SPATA17: variants seen among roughly 807,000 people sequenced by gnomAD.
SPATA17 encodes the protein spermatogenesis associated 17, also known as spermatogenesis-associated protein 17.
A neutral mutation model predicts 62.2 loss-of-function variants in SPATA17; 53 were observed. The observed-to-expected ratio is 0.85, with a 90% CI of 0.68 to 1.07. The LOEUF (loss-of-function observed/expected upper bound fraction) is 1.07, where lower values mean the gene tolerates loss of function less well. Ranked by LOEUF, SPATA17 falls within the 50% of genes least tolerant of loss-of-function variation. SPATA17 has a pLI of 0.00. For missense variants in SPATA17, 466 were observed against 425.5 expected (o/e 1.10, Z -0.84); for synonymous variants, 146 against 146.8 (o/e 0.99, Z 0.04).
chr1:217,814,370 G>T (rs1402294106), intron 9 of SPATA17, among the ~76,000 whole-genome samples: 1 of 152,126 alleles, frequency 6.6e-6, no homozygotes, highest in East Asian at 1.9e-4. Context: ...TCCGTCGGAG[G>T]TCTGTAAGAT....
chr1:217,680,324 A>G (rs1671049199), intron 4 of SPATA17, among the ~76,000 whole-genome samples: 1 of 152,218 alleles, frequency 6.6e-6, no homozygotes, highest in South Asian at 2.1e-4. Context: ...GAATGATGCT[A>G]TAATGATCAA....
At chr1:217,811,110 T>C (rs915923590) in intron 9 of SPATA17, among the ~76,000 whole-genome samples, 1 of 152,160 alleles carries the variant, frequency 6.6e-6, no homozygotes, top group Non-Finnish European at 1.5e-5. Flanking sequence ...CTCAGCTCAC[T>C]GCAACCTCTG....
intron 10 of SPATA17, among the ~76,000 whole-genome samples, chr1:217,863,119 C>CTTTCT (rs1675931250): frequency 8.9e-6 from 1 of 111,860 alleles, no homozygotes; most frequent in South Asian, 3.0e-4. Flanking sequence ...AATACTCTTT[C>CTTTCT]TTTTTTTTTT....
chr1:217,694,375 C>T (rs1671407339), intron 5 of SPATA17, among the ~76,000 whole-genome samples: 1 of 147,076 alleles, frequency 6.8e-6, no homozygotes, highest in South Asian at 2.2e-4. Flanking sequence ...TTATTTTGAG[C>T]CTATGTATGT....
chr1:217,694,277 G>A (rs1270488944), intron 5 of SPATA17, among the ~76,000 whole-genome samples: 3 of 95,912 alleles, frequency 3.1e-5, no homozygotes, highest in African/African-American at 1.4e-4. Context: ...GATCTTTGTT[G>A]GTTTAAAGTC....
chr1:217,805,676 C>A lies in SPATA17; in HGVS notation c.1005+3826C>A, dbSNP rs141431488. On this transcript the variant is annotated intron_variant, in intron 9 of 10. Transcript: ENST00000366933. ...ATATACAGTTTTTACAAATGGCCAA[C>A]AAGTATATGAGAAGATGCTCTGCAT... 5.4e-3 allele frequency among the ~76,000 whole-genome samples: 822 copies of A among 152,006 alleles called. 4 individuals are homozygous for A. Among genetic ancestry groups the A allele is most frequent in the African/African-American group, 0.018 (759 of 41,460 alleles).
intron 5 of SPATA17, among the ~76,000 whole-genome samples, chr1:217,693,586 G>T (rs200548516): frequency 0.17 from 20,580 of 118,174 alleles, 2,030 homozygotes; most frequent in African/African-American, 0.27. Flanking sequence ...GTGATGTTAC[G>T]GTGTCAATTT....
At chr1:217,778,680 T>C (rs926013530) in intron 7 of SPATA17, among the ~76,000 whole-genome samples, 2 of 152,172 alleles carry the variant, frequency 1.3e-5, no homozygotes, top group Admixed American at 1.3e-4. Flanking sequence ...ATTTCTGAGC[T>C]GGAAACACCA....
intron 5 of SPATA17, among the ~76,000 whole-genome samples, chr1:217,708,319 A>G (rs918574893): frequency 1.3e-5 from 2 of 152,162 alleles, no homozygotes; most frequent in African/African-American, 4.8e-5. Flanking sequence ...TAATAACGAG[A>G]AAAAGAGAGA....
At chr1:217,698,512 T>A (rs1311344769) in intron 5 of SPATA17, among the ~76,000 whole-genome samples, 1 of 151,994 alleles carries the variant, frequency 6.6e-6, no homozygotes, top group African/African-American at 2.4e-5. Flanking sequence ...AGAGGGCCAT[T>A]TTCTTTCCTT....
At chr1:217,718,728 G>A (rs1032965857) in intron 5 of SPATA17, among the ~76,000 whole-genome samples, 1 of 152,108 alleles carries the variant, frequency 6.6e-6, no homozygotes, top group Admixed American at 6.6e-5. Flanking sequence ...AAAACAATCA[G>A]TCAATCTTAT....
intron 9 of SPATA17, among the ~76,000 whole-genome samples, chr1:217,856,725 G>T (rs569867628): frequency 6.6e-6 from 1 of 152,266 alleles, no homozygotes; most frequent in Admixed American, 6.5e-5. Flanking sequence ...CCTGAAAACA[G>T]TGAACAGAAA....
chr1:217,650,451 C>T (rs1305909444), intron 2 of SPATA17, among the ~76,000 whole-genome samples: 3 of 151,954 alleles, frequency 2.0e-5, no homozygotes. Context: ...GAGTCTTGCT[C>T]TGTCACCCAG....
At chr1:217,815,351 A>G (rs779766989) in intron 9 of SPATA17, among the ~76,000 whole-genome samples, 2 of 152,170 alleles carry the variant, frequency 1.3e-5, no homozygotes, top group Non-Finnish European at 2.9e-5. Context: ...CCTTCTGGCT[A>G]TATCTGGAGG....
chr1:217,657,540 C>T (rs994873062), intron 3 of SPATA17, among the ~76,000 whole-genome samples: 1 of 152,210 alleles, frequency 6.6e-6, no homozygotes, highest in Non-Finnish European at 1.5e-5. Context: ...AACCTCTGCA[C>T]TGTCACACAC....
intron 6 of SPATA17, among the ~76,000 whole-genome samples, chr1:217,744,960 T>C (rs540116117): frequency 3.3e-5 from 5 of 152,362 alleles, no homozygotes; most frequent in African/African-American, 1.2e-4. Context: ...ATCATATTAT[T>C]AGAATTTAAC....
At chr1:217,749,827 C>CA (rs1271550283) in intron 6 of SPATA17, among the ~76,000 whole-genome samples, 7 of 150,900 alleles carry the variant, frequency 4.6e-5, no homozygotes, top group Non-Finnish European at 1.0e-4. Context: ...CGTAAGCATT[C>CA]AAAATTCTTT....
intron 6 of SPATA17, among the ~76,000 whole-genome samples, chr1:217,748,743 CAAAA>C (rs34000760): frequency 0.52 from 60,032 of 115,336 alleles, 13,441 homozygotes; most frequent in Non-Finnish European, 0.62. Context: ...GACTCTGACT[CAAAA>C]AAAAAAAAAA....
chr1:217,803,209 G>A (rs571540439), intron 9 of SPATA17, among the ~76,000 whole-genome samples: 63 of 152,260 alleles, frequency 4.1e-4, no homozygotes, highest in African/African-American at 1.2e-3. Context: ...ACCGCACCCA[G>A]CCTCAAGGAT....
Sources: allele counts gnomAD v4.1 joint callset (sites outside exome capture counted in the v4.1 genomes callset), GRCh38; gene constraint gnomAD v4.1.1; transcripts MANE v1.5; gene names NCBI Gene and HGNC (gene_info 2026-07-23, HGNC 2026-07-21).